The following ARHGAP6 variants were observed in gnomAD, a reference collection of about 807,000 sequenced individuals.
ARHGAP6 encodes the protein Rho GTPase activating protein 6, also known as rho GTPase-activating protein 6.
In ARHGAP6, 16 loss-of-function variants were observed where a neutral mutation model predicts 55.7. The ratio of observed to expected loss-of-function variants is 0.29; its 90% CI spans 0.19 to 0.44. ARHGAP6 has a LOEUF of 0.44. ARHGAP6 is among the 20% of genes least tolerant of loss of function. ARHGAP6 has a pLI of 1.00. For missense variants in ARHGAP6, 698 were observed against 808.9 expected (o/e 0.86, Z 1.66); for synonymous variants, 382 against 360.9 (o/e 1.06, Z -0.66).
At chrX:11,624,895 G>C (rs181233078) in intron 1 of ARHGAP6, among the ~76,000 whole-genome samples, 3 of 111,405 alleles carry the variant, frequency 2.7e-5, no homozygotes, top group African/African-American at 9.8e-5. Context: ...TGGCCAACAG[G>C]TATATGAAAA....
intron 1 of ARHGAP6, among the ~76,000 whole-genome samples, chrX:11,255,108 G>A (rs1185173066): frequency 8.9e-6 from 1 of 111,793 alleles, no homozygotes; most frequent in Admixed American, 9.5e-5. Context: ...AGCCTACCAT[G>A]TGCCAGCGGC....
chrX:11,161,565 T>C (rs2045945134), intron 9 of ARHGAP6, among the ~76,000 whole-genome samples: 1 of 110,488 alleles, frequency 9.1e-6, no homozygotes. Context: ...TTTTACTTAA[T>C]GGGGGGTGTT....
intron 9 of ARHGAP6, among the ~76,000 whole-genome samples, chrX:11,168,626 A>C (rs189912609): frequency 8.9e-6 from 1 of 112,377 alleles, no homozygotes; most frequent in African/African-American, 3.2e-5. Context: ...TTCTCGGTTG[A>C]AGGAAGGAGC....
At chrX:11,320,766 T>TAC (rs56815077) in intron 1 of ARHGAP6, among the ~76,000 whole-genome samples, 14,999 of 85,394 alleles carry the variant, frequency 0.18, 1,196 homozygotes, top group Admixed American at 0.27. Flanking sequence ...AATATCTCTT[T>TAC]ACACACACAC....
At chrX:11,557,298 G>A (rs998447227) in intron 1 of ARHGAP6, among the ~76,000 whole-genome samples, 2 of 111,907 alleles carry the variant, frequency 1.8e-5, no homozygotes, top group African/African-American at 6.5e-5. Context: ...CAGCATGAAT[G>A]CTAGATTACT....
At chrX:11,493,770 C>T (rs2050594996) in intron 1 of ARHGAP6, among the ~76,000 whole-genome samples, 1 of 109,252 alleles carries the variant, frequency 9.2e-6, no homozygotes, top group South Asian at 3.9e-4. Flanking sequence ...CAAAATATTT[C>T]GTAAAAATTC....
intron 1 of ARHGAP6, among the ~76,000 whole-genome samples, chrX:11,586,580 T>C (rs1443701474): frequency 4.5e-5 from 5 of 111,912 alleles, no homozygotes; most frequent in African/African-American, 1.6e-4. Flanking sequence ...TGTAGCCCCA[T>C]AGTATAGTTT....
chrX:11,484,097 T>C (rs2050486658), intron 1 of ARHGAP6, among the ~76,000 whole-genome samples: 1 of 111,891 alleles, frequency 8.9e-6, no homozygotes, highest in Non-Finnish European at 1.9e-5. Context: ...GAGAATAAGG[T>C]ATTCCAGGCT....
intron 5 of ARHGAP6, 88 bp from the exon 6 acceptor site, chrX:11,182,206 G>C: frequency 1.3e-6 from 1 of 746,540 alleles, no homozygotes; most frequent in Non-Finnish European, 2.0e-6. Flanking sequence ...TGCCAGCACA[G>C]TGCCGTAACA....
intron 1 of ARHGAP6, chrX:11,298,068 C>A: frequency 8.3e-7 from 1 of 1,203,126 alleles, no homozygotes; most frequent in Non-Finnish European, 1.1e-6. Context: ...ACAGGAAGCA[C>A]CCAACAAATT....
At chrX:11,485,562 T>C (rs1330267560) in intron 1 of ARHGAP6, among the ~76,000 whole-genome samples, 1 of 112,854 alleles carries the variant, frequency 8.9e-6, no homozygotes, top group Non-Finnish European at 1.9e-5. Flanking sequence ...TCCACACACA[T>C]AAGCAAAATA....
At position 11,641,844 on chromosome X, in the gene ARHGAP6, G is replaced by A. The variant is rs750592835; in HGVS notation, c.588+22397C>T. On this transcript the variant is annotated intron_variant, in intron 1 of 12. Transcript: ENST00000337414. ...GAAAGTACTAAAGCAAATTCTAAGC[G>A]TGTCCACGTTGTTTCTGCTCAGCTG... 1.4e-3 allele frequency among the ~76,000 whole-genome samples: 156 copies of A among 111,467 alleles called. 3 individuals carry two copies. Among genetic ancestry groups the A allele is most frequent in the Non-Finnish European group, 4.4e-4 (23 of 52,850 alleles).
intron 1 of ARHGAP6, among the ~76,000 whole-genome samples, chrX:11,600,641 G>A (rs756412096): frequency 1.8e-5 from 2 of 112,321 alleles, no homozygotes; most frequent in South Asian, 7.4e-4. Context: ...TGAAGTGTTG[G>A]TGGGCAAATA....
intron 1 of ARHGAP6, among the ~76,000 whole-genome samples, chrX:11,655,537 C>A (rs765282739): frequency 1.8e-5 from 2 of 112,374 alleles, no homozygotes; most frequent in East Asian, 5.6e-4. Context: ...ATCTTGTCAA[C>A]ACTTGTTATT....
At chrX:11,644,937 A>G (rs1025003102) in intron 1 of ARHGAP6, among the ~76,000 whole-genome samples, 2 of 111,981 alleles carry the variant, frequency 1.8e-5, no homozygotes, top group South Asian at 7.4e-4. Flanking sequence ...AACAAGCCAA[A>G]TTTACTTTGA....
intron 1 of ARHGAP6, among the ~76,000 whole-genome samples, chrX:11,299,912 C>T (rs373812581): frequency 2.2e-4 from 24 of 111,420 alleles, no homozygotes; most frequent in East Asian, 1.4e-3. Context: ...GGGAAAATGA[C>T]GAAATCAGAT....
intron 2 of ARHGAP6, among the ~76,000 whole-genome samples, chrX:11,237,037 C>T (rs1414799249): frequency 2.7e-5 from 3 of 112,679 alleles, no homozygotes; most frequent in African/African-American, 6.4e-5. Context: ...GGGCAAGAAG[C>T]GCTAAGGCTC....
intron 2 of ARHGAP6, among the ~76,000 whole-genome samples, chrX:11,229,402 A>T (rs953738804): frequency 8.9e-6 from 1 of 112,283 alleles, no homozygotes; most frequent in Non-Finnish European, 1.9e-5. Context: ...CCATTCAATG[A>T]TACCACCCCT....
At chrX:11,290,319 C>G (rs1346490970) in intron 1 of ARHGAP6, 1 of 302,457 alleles carries the variant, frequency 3.3e-6, no homozygotes, top group Non-Finnish European at 6.4e-6. Context: ...TATCTAGCAC[C>G]TACTTTGTAT....
Sources: allele counts gnomAD v4.1 joint callset (sites outside exome capture counted in the v4.1 genomes callset), GRCh38; gene constraint gnomAD v4.1.1; transcripts MANE v1.5; gene names NCBI Gene and HGNC (gene_info 2026-07-23, HGNC 2026-07-21).